The following TMEM204 variants were observed in gnomAD, a reference collection of about 807,000 sequenced individuals.
The protein encoded by TMEM204 is claudin-like protein 24.
A neutral mutation model predicts 19.4 loss-of-function variants in TMEM204; 15 were observed. The observed-to-expected ratio is 0.77, with a 90% CI of 0.52 to 1.19. The LOEUF is 1.19. Ranked by LOEUF, TMEM204 falls within the 50% of genes most tolerant of loss-of-function variation. TMEM204 has a pLI of 0.00. For synonymous variants in TMEM204, 161 were observed against 146.0 expected (o/e 1.10, Z -0.74); for missense variants, 287 against 321.2 (o/e 0.89, Z 0.81).
rs1395998429 is a variant in TMEM204, at chr16:1,553,037, C to T, written c.437-1745C>T. 4.1e-6 allele frequency: 4 copies of T among 985,420 alleles called. No individual in the cohort carries two copies. The highest frequency in any genetic ancestry group is 1.7e-5 in the African/African-American group (1 of 57,346). 61.0% of individuals were successfully genotyped at this position (985,420 alleles called of 1,614,324 possible). On this transcript the variant is annotated intron_variant, in intron 2 of 2. Transcript: ENST00000566264. This position sits in a 1 kb window ranked among gnomAD's most constrained non-coding sequence, Gnocchi z 4.4. ...CATGAAGTATTATAAAGAATGAACACAGAAACCAGTCACTGTCATTGTTCA... is the reference window on the plus strand; with the variant it reads ...CATGAAGTATTATAAAGAATGAACATAGAAACCAGTCACTGTCATTGTTCA...
upstream of TMEM204, chr16:1,532,426 G>A (rs142228359): frequency 2.5e-3 from 381 of 152,460 alleles, no homozygotes; most frequent in Non-Finnish European, 4.1e-3. Context: ...TGCCTTTCTG[G>A]AACAGACACA....
upstream of TMEM204, among the ~76,000 whole-genome samples, chr16:1,528,948 TC>T (rs1365002912): frequency 3.9e-5 from 6 of 152,224 alleles, no homozygotes; most frequent in East Asian, 1.2e-3. Flanking sequence ...CATCTCAGCT[TC>T]CCTGGCTCCC....
chr16:1,547,751 G>C (rs1049334574), intron 2 of TMEM204, among the ~76,000 whole-genome samples: 1 of 152,168 alleles, frequency 6.6e-6, no homozygotes, highest in East Asian at 1.9e-4. Flanking sequence ...GGCCAGGCTG[G>C]TCTCAAGCTT....
chr16:1,531,802 T>TG (rs1225054114), upstream of TMEM204: 1 of 152,176 alleles, frequency 6.6e-6, no homozygotes, highest in Admixed American at 6.5e-5. The surrounding 1 kb of genome is among the most constrained non-coding windows in gnomAD (Gnocchi z 4.7). Context: ...CCAGGACTTC[T>TG]GGGGGTGCTG....
intron 1 of TMEM204, chr16:1,540,685 C>T (rs934484530): frequency 3.2e-6 from 1 of 314,548 alleles, no homozygotes. Flanking sequence ...GGACCCGCTC[C>T]TGAGTGGTGA....
chr16:1,534,391 G>A lies in TMEM204; in HGVS notation c.116G>A (p.Arg39His), dbSNP rs748346318. ...GTGTGCCAGACGCTGGAGGATGGGC[G>A]CAGGCGCAGCGTGGGGCTGTGGAGG... Reference protein sequence around the residue: ...NWVCQTLEDGRRRSVGLWRSC... With the variant: ...NWVCQTLEDGHRRSVGLWRSC... The change falls in exon 1 of 3, where the codon CGC becomes CAC. Residue 39 changes from arginine (R) to histidine (H), a missense_variant. By Grantham distance (29) the Arg-to-His change is conservative. Transcript: ENST00000566264. 5.1e-5 allele frequency: 83 copies of A among 1,612,622 alleles called. No individual in the cohort carries two copies. Among genetic ancestry groups the A allele is most frequent in the Middle Eastern group, 3.3e-4 (2 of 6,078 alleles).
intron 2 of TMEM204, among the ~76,000 whole-genome samples, chr16:1,542,402 C>T (rs985879445): frequency 1.3e-5 from 2 of 152,242 alleles, no homozygotes; most frequent in Admixed American, 1.3e-4. Flanking sequence ...GGCCCTTGTG[C>T]AGTCCACATG....
At chr16:1,530,422 C>T (rs771564849), upstream of TMEM204, among the ~76,000 whole-genome samples, 2 of 152,092 alleles carry the variant, frequency 1.3e-5, no homozygotes, top group South Asian at 2.1e-4. Context: ...TGAGCCACTG[C>T]GCCCGGCCCA....
Position 1,551,219 on chromosome 16 carries a change from C to A in TMEM204, c.437-3563C>A, listed in dbSNP as rs1173373673. ...TGGGGCAAGTTCTGGCCCCGGGGAG[C>A]CTGCCCTGTGGCGGGGGAGAGCGGC... On this transcript the variant is annotated intron_variant, in intron 2 of 2. Coordinates refer to ENST00000566264, the MANE Select transcript of TMEM204 (RefSeq NM_024600.6). This position sits in a 1 kb window ranked among gnomAD's most constrained non-coding sequence, Gnocchi z 4.0. 2.0e-5 allele frequency among the ~76,000 whole-genome samples: 3 copies of A among 152,246 alleles called. No homozygotes were observed. Among genetic ancestry groups the A allele is most frequent in the Non-Finnish European group, 4.4e-5 (3 of 68,048 alleles).
At chr16:1,538,552 C>T (rs1195837846) in intron 1 of TMEM204, among the ~76,000 whole-genome samples, 1 of 152,176 alleles carries the variant, frequency 6.6e-6, no homozygotes, top group African/African-American at 2.4e-5. Context: ...GGGCAGAGCG[C>T]AGAGCCCTGG....
rs2141381698 is a variant in TMEM204, at chr16:1,551,215, G to C, written c.437-3567G>C. 6.6e-6 allele frequency among the ~76,000 whole-genome samples: 1 copy of C among 152,376 alleles called. No homozygotes were observed. The highest frequency in any genetic ancestry group is 2.1e-4 in the South Asian group (1 of 4,832). On this transcript the variant is annotated intron_variant, in intron 2 of 2. Coordinates refer to ENST00000566264, the MANE Select transcript of TMEM204 (RefSeq NM_024600.6). The surrounding 1 kb of genome is among the most constrained non-coding windows in gnomAD (Gnocchi z 4.0). The stretch of plus-strand genomic sequence containing the variant: ...ATGGTGGGGCAAGTTCTGGCCCCGG[G>C]GAGCCTGCCCTGTGGCGGGGGAGAG...
chr16:1,534,198 G>A lies in TMEM204; in HGVS notation c.-78G>A. ...TGATGTCCTCTAGCCACCCCTAGCA[G>A]CGTCGGCTCTCCCTGGACGTGCGGC... On this transcript the variant is annotated 5_prime_UTR_variant, in exon 1 of 3. Coordinates refer to ENST00000566264, the MANE Select transcript of TMEM204 (RefSeq NM_024600.6). The A allele has an allele frequency of 1.9e-6, 3 of 1,569,140 alleles. No homozygotes were observed. The highest frequency in any genetic ancestry group is 1.7e-6 in the Non-Finnish European group (2 of 1,164,164).
chr16:1,537,540 G>T (rs536915337), intron 1 of TMEM204, among the ~76,000 whole-genome samples: 48 of 152,344 alleles, frequency 3.2e-4, no homozygotes, highest in African/African-American at 1.1e-3. Flanking sequence ...CCTGCCAGGG[G>T]TGTCCTGTGG....
intron 2 of TMEM204, among the ~76,000 whole-genome samples, chr16:1,552,382 C>T (rs987212915): frequency 3.9e-5 from 6 of 152,126 alleles, no homozygotes; most frequent in African/African-American, 7.2e-5. Context: ...CTGAGCTCTC[C>T]GCTGTGCCTG....
intron 1 of TMEM204, among the ~76,000 whole-genome samples, chr16:1,538,968 C>A (rs1191904453): frequency 6.6e-6 from 1 of 152,184 alleles, no homozygotes; most frequent in Non-Finnish European, 1.5e-5. Flanking sequence ...GCAAAAGCGC[C>A]CCCTACCTCA....
At chr16:1,529,257 G>A (rs950978924), upstream of TMEM204, among the ~76,000 whole-genome samples, 3 of 152,236 alleles carry the variant, frequency 2.0e-5, no homozygotes, top group Non-Finnish European at 4.4e-5. Flanking sequence ...GCACAGTCAT[G>A]CCTGGAGCCA....
Position 1,534,207 on chromosome 16 carries a change from C to T in TMEM204, c.-69C>T. The T allele has an allele frequency of 2.5e-6, 4 of 1,582,540 alleles. No homozygotes were observed. The highest frequency in any genetic ancestry group is 3.4e-6 in the Non-Finnish European group (4 of 1,172,038). ...CTAGCCACCCCTAGCAGCGTCGGCT[C>T]TCCCTGGACGTGCGGCCGCGGACTG... is the stretch of plus-strand genomic sequence containing the variant. On this transcript the variant is annotated 5_prime_UTR_variant, in exon 1 of 3. Coordinates refer to ENST00000566264, the MANE Select transcript of TMEM204 (RefSeq NM_024600.6).
rs1638857014 is a variant in TMEM204 at position 1,553,594 on chromosome 16, T to C, written c.437-1188T>C. 1 of 1,026,206 alleles carries C rather than the reference T, an allele frequency of 9.7e-7. No individual in the cohort carries two copies. The highest frequency in any genetic ancestry group is 4.9e-5 in the Admixed American group (1 of 20,262). The allele number at this position is 1,026,206 out of a possible 1,614,324, so 63.6% of individuals were successfully genotyped here. On this transcript the variant is annotated intron_variant, in intron 2 of 2. Coordinates refer to ENST00000566264, the MANE Select transcript of TMEM204 (RefSeq NM_024600.6). The surrounding 1 kb of genome is among the most constrained non-coding windows in gnomAD (Gnocchi z 4.4). Reference sequence around the variant, plus strand: ...ACCAGTGTAAGTTACAGAGAGTCTCTGGCACTTTGGGTACAAGAAACAGAC... The same window carrying C: ...ACCAGTGTAAGTTACAGAGAGTCTCCGGCACTTTGGGTACAAGAAACAGAC...
chr16:1,552,566 CA>C (rs1412396953), intron 2 of TMEM204, among the ~76,000 whole-genome samples: 2 of 152,140 alleles, frequency 1.3e-5, no homozygotes, highest in African/African-American at 4.8e-5. Flanking sequence ...ATCGATACCA[CA>C]CAATCGTGAG....
Sources: allele counts gnomAD v4.1 joint callset (sites outside exome capture counted in the v4.1 genomes callset), GRCh38; gene constraint gnomAD v4.1.1; non-coding constraint Gnocchi (gnomAD v3.1); transcripts MANE v1.5; gene names NCBI Gene and HGNC (gene_info 2026-07-23, HGNC 2026-07-21).